YPEL4: variants seen among roughly 807,000 people sequenced by gnomAD.
YPEL4 encodes yippee like 4.
YPEL4 carries 5 observed loss-of-function variants against 16.3 expected under a neutral mutation model. The observed-to-expected ratio is 0.31, with a 90% confidence interval of 0.16 to 0.64. YPEL4 has a LOEUF of 0.64. Ranked by LOEUF, YPEL4 falls within the 30% of genes least tolerant of loss-of-function variation. YPEL4 has a pLI of 0.79. For missense variants in YPEL4, 127 were observed against 170.0 expected (o/e 0.75, Z 1.41); for synonymous variants, 61 against 60.7 (o/e 1.00, Z -0.02).
At position 57,646,408 on chromosome 11, in the gene YPEL4, G is replaced by A. The variant is rs184403536; in HGVS notation, c.186-3C>T. ...CTGGCCCGCAACCCACGTTGACCCT[G>A]TCTCAGGAAACAGGAAGGACCCAGC... On this transcript the variant is annotated splice_region_variant and splice_polypyrimidine_tract_variant and intron_variant, in intron 3 of 4. Transcript: ENST00000300022. 9.9e-6 allele frequency: 16 copies of A among 1,614,110 alleles called. No homozygotes were observed. The African/African-American group carries it at 1.1e-4, about 11-fold the overall frequency.
rs1945735265 is a variant in YPEL4 at position 57,646,772 on chromosome 11, C to T, written c.164G>A (p.Arg55Gln). The change falls in exon 3 of 5, where the codon CGA (arginine) becomes CAA (glutamine). Residue 55 changes from arginine to glutamine, a missense_variant. Coordinates refer to ENST00000300022, the MANE Select transcript of YPEL4 (RefSeq NM_145008.3). ...ISKSFQGSHGRAYLFNSVVNV... is the reference protein window; with the variant it reads ...ISKSFQGSHGQAYLFNSVVNV... ...TCACACGGAGTTAAACAGGTAGGCT[C>T]GGCCATGGCTCCCTTGGAAGGACTG... The T allele has an allele frequency of 1.2e-6, 2 of 1,613,946 alleles. No individual in the cohort carries two copies. Among genetic ancestry groups the T allele is most frequent in the East Asian group, 2.2e-5 (1 of 44,858 alleles).
chr11:57,646,587 C>G, intron 3 of YPEL4, 164 bp downstream of exon 3: 1 of 1,231,766 alleles, frequency 8.1e-7, no homozygotes, highest in Non-Finnish European at 1.2e-6. Flanking sequence ...AATTCTCCCC[C>G]GGCTCCCCAT....
chr11:57,645,935 G>T lies in YPEL4; in HGVS notation c.*46C>A. The T allele has an allele frequency of 6.3e-7, 1 of 1,595,816 alleles. No homozygotes were observed. Among genetic ancestry groups the T allele is most frequent in the Non-Finnish European group, 8.6e-7 (1 of 1,166,722 alleles). ...GTATAGACTGCTTGGCAGGGCCGTG[G>T]GGAGGGAGGGGCATGCGGAGGAAGG... On this transcript the variant is annotated 3_prime_UTR_variant, in exon 5 of 5. Coordinates refer to ENST00000300022, the MANE Select transcript of YPEL4 (RefSeq NM_145008.3).
intron 1 of YPEL4, chr11:57,648,773 T>A (rs80261186): frequency 6.6e-6 from 1 of 152,446 alleles, no homozygotes; most frequent in Non-Finnish European, 1.5e-5. Context: ...CAGGGTGACA[T>A]TGGGCTCCGG....
At position 57,645,912 on chromosome 11, in the gene YPEL4, A is replaced by C; in HGVS notation, c.*69T>G. On this transcript the variant is annotated 3_prime_UTR_variant, in exon 5 of 5. Coordinates refer to ENST00000300022, the MANE Select transcript of YPEL4 (RefSeq NM_145008.3). ...GGGGTGGGGCAGTACTCATGCTGGT[A>C]TAGACTGCTTGGCAGGGCCGTGGGG... 2 of 1,529,290 alleles carry C rather than the reference A, an allele frequency of 1.3e-6. No homozygotes were observed. Among genetic ancestry groups the C allele is most frequent in the Non-Finnish European group, 1.8e-6 (2 of 1,113,374 alleles). 94.7% of individuals were successfully genotyped at this position (1,529,290 alleles called of 1,614,324 possible).
In YPEL4 at chr11:57,647,029, G is replaced by A. The variant is rs1223723375; in HGVS notation, c.79C>T (p.Arg27Cys). Residue 27 changes from arginine to cysteine, a missense_variant, in exon 2 of 5, where the codon CGC becomes TGC. Physicochemically the swap from Arg to Cys is radical, Grantham distance 180. Coordinates refer to ENST00000300022, the MANE Select transcript of YPEL4 (RefSeq NM_145008.3). The surrounding 1 kb of genome is among the most constrained non-coding windows in gnomAD (Gnocchi z 4.2). The stretch of plus-strand genomic sequence containing the variant: ...CGGCAGTGGACACAGCTGTAAGTGC[G>A]GTGACAGCGGGGCAGATAGCTGCGG... ...TFRSYLPRCH[R>C]TYSCVHCRAH... 3 of 1,598,558 alleles carry A rather than the reference G, an allele frequency of 1.9e-6. No homozygotes were observed. Among genetic ancestry groups the A allele is most frequent in the East Asian group, 2.2e-5 (1 of 44,474 alleles).
Position 57,647,046 on chromosome 11 carries a change from T to A in YPEL4, c.62A>T (p.Tyr21Phe), listed in dbSNP as rs779575005. ...GTAAGTGCGGTGACAGCGGGGCAGA[T>A]AGCTGCGGAAAGTCTTGGTGGGGAG... is the stretch of plus-strand genomic sequence containing the variant. Reference protein sequence around the residue: ...ACLPTKTFRSYLPRCHRTYSC... With the variant: ...ACLPTKTFRSFLPRCHRTYSC... Residue 21 changes from tyrosine to phenylalanine, a missense_variant, in exon 2 of 5, where the codon TAT becomes TTT. Transcript: ENST00000300022. This position sits in a 1 kb window ranked among gnomAD's most constrained non-coding sequence, Gnocchi z 4.2. 3.1e-6 allele frequency: 5 copies of A among 1,598,124 alleles called. No homozygotes were observed. The highest frequency in any genetic ancestry group is 4.3e-6 in the Non-Finnish European group (5 of 1,173,788).
intron 1 of YPEL4, chr11:57,648,987 C>T (rs930723963): frequency 2.0e-5 from 3 of 152,402 alleles, no homozygotes; most frequent in African/African-American, 4.8e-5. Context: ...CCTCCCTCTC[C>T]CCTAATTCCC....
rs1187492619 is a variant in YPEL4 at position 57,646,339 on chromosome 11, G to A, written c.252C>T (p.Asp84=). The change falls in exon 4 of 5, where the codon GAC becomes GAT. Residue 84 remains aspartate (D), a synonymous_variant. Transcript: ENST00000300022. ...LLLTGLHSVA[D]IFCESCKTTL... Reference sequence around the variant, plus strand: ...TGGTTTTGCAGCTCTCACAGAAAATGTCAGCTACCGAGTGGAGCCCCGTGA... The same window carrying A: ...TGGTTTTGCAGCTCTCACAGAAAATATCAGCTACCGAGTGGAGCCCCGTGA... The A allele has an allele frequency of 1.2e-6, 2 of 1,614,180 alleles. No individual in the cohort carries two copies. The highest frequency in any genetic ancestry group is 1.7e-5 in the Admixed American group (1 of 60,024).
chr11:57,646,149 C>T lies in YPEL4; in HGVS notation c.295-79G>A. ...CACTGTCACCTGTATGGCCCCCACCCCAAGGGTCATCCACCTAGCCCAACC... is the reference window on the plus strand; with the variant it reads ...CACTGTCACCTGTATGGCCCCCACCTCAAGGGTCATCCACCTAGCCCAACC... On this transcript the variant is annotated intron_variant, in intron 4 of 4. Coordinates refer to ENST00000300022, the MANE Select transcript of YPEL4 (RefSeq NM_145008.3). 6 of 1,578,850 alleles carry T rather than the reference C, an allele frequency of 3.8e-6. No homozygotes were observed. In the East Asian group the frequency reaches 1.1e-4, roughly 29 times the overall value.
Position 57,647,357 on chromosome 11 carries a change from A to G in YPEL4, c.-184-66T>C, listed in dbSNP as rs1041366611. On this transcript the variant is annotated intron_variant, in intron 1 of 4. Transcript: ENST00000300022. This position sits in a 1 kb window ranked among gnomAD's most constrained non-coding sequence, Gnocchi z 4.2. ...AGGAGGACCCCTCCTGAGGGAATGG[A>G]GGAAAAGGGAATCAGCTCACCCATA... 3.0e-5 allele frequency: 13 copies of G among 432,380 alleles called. No homozygotes were observed. The highest frequency in any genetic ancestry group is 4.9e-5 in the Non-Finnish European group (12 of 246,370). 26.8% of individuals were successfully genotyped at this position (432,380 alleles called of 1,614,324 possible). A position where few individuals can be genotyped will look rare whatever the true frequency, so the allele number is the denominator to read the frequency against.
intron 3 of YPEL4, 25 bp downstream of exon 3, chr11:57,646,714 AGCACAAGCACAC>A (rs1945734735): frequency 1.9e-6 from 3 of 1,611,940 alleles, no homozygotes; most frequent in East Asian, 2.2e-5. Flanking sequence ...CTCACACACA[AGCACAAGCACAC>A]GCACAAGGAA....
At chr11:57,646,152 A>C (rs1323462229) in intron 4 of YPEL4, 82 bp from the exon 5 acceptor site, 1 of 1,574,516 alleles carries the variant, frequency 6.4e-7, no homozygotes, top group Non-Finnish European at 8.7e-7. Flanking sequence ...CCCCACCCCA[A>C]GGGTCATCCA....
At chr11:57,646,142 C>T in intron 4 of YPEL4, 72 bp from the exon 5 acceptor site, 1 of 1,585,006 alleles carries the variant, frequency 6.3e-7, no homozygotes, top group East Asian at 2.2e-5. Context: ...CCTGTATGGC[C>T]CCCACCCCAA....
At chr11:57,646,595 C>G (rs1281557639) in intron 3 of YPEL4, 156 bp downstream of exon 3, 65 of 1,268,440 alleles carry the variant, frequency 5.1e-5, no homozygotes, top group Non-Finnish European at 7.1e-5. Flanking sequence ...CCCGGCTCCC[C>G]ATGTGAGAAC....
At chr11:57,646,582 T>TC (rs1945732614) in intron 3 of YPEL4, 169 bp downstream of exon 3, 4 of 1,214,390 alleles carry the variant, frequency 3.3e-6, no homozygotes, top group Admixed American at 2.1e-5. Flanking sequence ...ATTTCAATTC[T>TC]CCCCCGGCTC....
chr11:57,648,019 C>G (rs910193189), intron 1 of YPEL4: 2 of 152,200 alleles, frequency 1.3e-5, no homozygotes, highest in East Asian at 3.9e-4. Context: ...CTTTCTCTCT[C>G]CTAGTCTTTA....
chr11:57,646,819 G>A (rs763881462), intron 2 of YPEL4, 25 bp from the exon 3 acceptor site: 2 of 1,613,544 alleles, frequency 1.2e-6, no homozygotes, highest in Non-Finnish European at 8.5e-7. Flanking sequence ...GACAGACAAT[G>A]ACTACCAAGC....
chr11:57,646,664 T>C, intron 3 of YPEL4, 87 bp downstream of exon 3: 1 of 1,563,446 alleles, frequency 6.4e-7, no homozygotes, highest in Non-Finnish European at 8.7e-7. Context: ...CAAGATCACC[T>C]GATGGATTCC....
Sources: gnomAD v4.1 joint callset for allele counts on GRCh38, gnomAD v4.1.1 for gene constraint, Gnocchi (gnomAD v3.1) non-coding constraint, MANE v1.5 for transcripts, NCBI Gene and HGNC (gene_info 2026-07-23, HGNC 2026-07-21) for gene names.